The following MTUS1 variants were observed in gnomAD, a reference collection of about 807,000 sequenced individuals.
MTUS1 encodes microtubule associated scaffold protein 1.
MTUS1 carries 109 observed loss-of-function variants against 120.8 expected under a neutral mutation model. The ratio of observed to expected loss-of-function variants is 0.90; its 90% CI spans 0.77 to 1.06. The LOEUF is 1.06. MTUS1 is among the 50% of genes least tolerant of loss of function. The pLI, the probability that MTUS1 is intolerant of heterozygous loss-of-function variation, is 0.00. For missense variants in MTUS1, 2,210 were observed against 1,486.3 expected, an observed-to-expected ratio of 1.49 and a Z score of -8.01; for synonymous variants, 737 against 550.5, an observed-to-expected ratio of 1.34 and a Z score of -4.74.
chr8:17,720,501 T>C (rs530898062), intron 4 of MTUS1, among the ~76,000 whole-genome samples: 2 of 152,354 alleles, frequency 1.3e-5, no homozygotes, highest in South Asian at 2.1e-4. Flanking sequence ...GTTCCTTCCA[T>C]TTCCAGGAGA....
intron 8 of MTUS1, among the ~76,000 whole-genome samples, chr8:17,665,567 G>T (rs1810717989): frequency 1.3e-5 from 2 of 152,028 alleles, no homozygotes; most frequent in African/African-American, 4.8e-5. Context: ...CACCATGTTG[G>T]CAAGGCTGGT....
rs550988858 is a variant in MTUS1, at chr8:17,661,744, G to A, written c.2906-5679C>T. On this transcript the variant is annotated intron_variant, in intron 8 of 14. Transcript: ENST00000693296. ...GAAAGGGAGAAAATGGGTCAGATGG[G>A]GGAACAGGAGGTTCACTGCTGTTAT... Among the ~76,000 whole-genome samples, 18 of 152,204 alleles carry A rather than the reference G, an allele frequency of 1.2e-4. No individual in the cohort carries two copies. In the East Asian group the frequency reaches 3.3e-3, roughly 28 times the overall value.
At chr8:17,675,086 C>A in intron 8 of MTUS1, 100 bp downstream of exon 8, 3 of 1,577,442 alleles carry the variant, frequency 1.9e-6, no homozygotes, top group South Asian at 1.2e-5. Context: ...GCCAACAGCT[C>A]CCAGCATGCA....
At chr8:17,667,888 C>A (rs1456849275) in intron 8 of MTUS1, among the ~76,000 whole-genome samples, 1 of 152,122 alleles carries the variant, frequency 6.6e-6, no homozygotes, top group African/African-American at 2.4e-5. Flanking sequence ...TGAGTAGGCA[C>A]CAAACACACG....
At chr8:17,677,153 T>C (rs1184704191) in intron 7 of MTUS1, among the ~76,000 whole-genome samples, 2 of 152,280 alleles carry the variant, frequency 1.3e-5, no homozygotes, top group East Asian at 1.9e-4. Context: ...TAATAAGTAA[T>C]TGGTTTTCTA....
Position 17,755,263 on chromosome 8 carries a change from T to A in MTUS1, c.545A>T (p.Gln182Leu). 2 of 1,614,192 alleles carry A rather than the reference T, an allele frequency of 1.2e-6. No individual in the cohort carries two copies. The highest frequency in any genetic ancestry group is 1.7e-6 in the Non-Finnish European group (2 of 1,180,008). The change falls in exon 2 of 15, where the codon CAG becomes CTG. Residue 182 changes from glutamine to leucine, a missense_variant. Physicochemically the swap from Gln to Leu is moderately radical, Grantham distance 113. Coordinates refer to ENST00000693296, the MANE Select transcript of MTUS1 (RefSeq NM_001363059.2). Reference sequence around the variant, plus strand: ...CAGGCTTCCAGCAGTATGGAAGGACTGACTCTTTCCGATGGCATGATGTGA... The same window carrying A: ...CAGGCTTCCAGCAGTATGGAAGGACAGACTCTTTCCGATGGCATGATGTGA... The part of the protein sequence containing the change: ...FISHHAIGKS[Q>L]SFHTAGSLPP...
At chr8:17,715,345 G>A (rs535789334) in intron 5 of MTUS1, among the ~76,000 whole-genome samples, 1 of 152,252 alleles carries the variant, frequency 6.6e-6, no homozygotes, top group Admixed American at 6.5e-5. Context: ...AGGGATATGA[G>A]AAGGAACAGA....
At chr8:17,750,028 G>C (rs1317389059) in intron 2 of MTUS1, among the ~76,000 whole-genome samples, 2 of 152,172 alleles carry the variant, frequency 1.3e-5, no homozygotes, top group African/African-American at 4.8e-5. Context: ...AAATGGTGGA[G>C]CTACAATTTG....
At chr8:17,658,058 CACAG>C (rs1431384179) in intron 8 of MTUS1, among the ~76,000 whole-genome samples, 5 of 145,152 alleles carry the variant, frequency 3.4e-5, no homozygotes, top group South Asian at 2.2e-4. Context: ...CACACACACA[CACAG>C]AGTCTTGCTG....
At position 17,743,815 on chromosome 8, in the gene MTUS1, T is replaced by A. The variant is rs1478102862; in HGVS notation, c.2092-16A>T. The A allele has an allele frequency of 6.2e-7, 1 of 1,606,976 alleles. No individual in the cohort carries two copies. The highest frequency in any genetic ancestry group is 1.1e-5 in the South Asian group (1 of 90,722). On this transcript the variant is annotated splice_polypyrimidine_tract_variant and intron_variant, in intron 2 of 14. Transcript: ENST00000693296. ...AAGCAGAGCCCTGTGAAAATAACAGTTAAGACTGTAAACCAAAACTAAAAT... is the reference window on the plus strand; with the variant it reads ...AAGCAGAGCCCTGTGAAAATAACAGATAAGACTGTAAACCAAAACTAAAAT...
chr8:17,747,428 G>C (rs980389294), intron 2 of MTUS1, among the ~76,000 whole-genome samples: 1 of 151,956 alleles, frequency 6.6e-6, no homozygotes. Context: ...TCCCAACTTA[G>C]CAATCAACAT....
At chr8:17,672,373 A>C (rs1373912159) in intron 8 of MTUS1, among the ~76,000 whole-genome samples, 1 of 152,148 alleles carries the variant, frequency 6.6e-6, no homozygotes, top group Non-Finnish European at 1.5e-5. Flanking sequence ...CCGAGGATGA[A>C]ATTGGGACAG....
Position 17,754,863 on chromosome 8 carries a change from A to G in MTUS1, c.945T>C (p.His315=). ...AATGTGGTTCGCTATTGGATTCATC[A>G]TGGGATAAACAAAAGAACTCTTGTA... ...SALQEFFCLS[H]DESNSEPHSQ... Residue 315 remains histidine, a synonymous_variant, in exon 2 of 15, where the codon CAT becomes CAC. Transcript: ENST00000693296. The G allele has an allele frequency of 6.2e-7, 1 of 1,614,246 alleles. No homozygotes were observed. Among genetic ancestry groups the G allele is most frequent in the Admixed American group, 1.7e-5 (1 of 60,032 alleles).
chr8:17,686,589 G>A (rs1815856405), intron 6 of MTUS1, among the ~76,000 whole-genome samples: 1 of 152,050 alleles, frequency 6.6e-6, no homozygotes, highest in African/African-American at 2.4e-5. Flanking sequence ...AGTAACATTT[G>A]CCTCTCTTTC....
chr8:17,689,160 G>A (rs991280891), intron 6 of MTUS1, among the ~76,000 whole-genome samples: 15 of 152,030 alleles, frequency 9.9e-5, no homozygotes, highest in African/African-American at 2.9e-4. Flanking sequence ...CCAGTGAGCC[G>A]AGATCACGCC....
rs776456547 is a variant in MTUS1, at chr8:17,656,009, C to G, written c.2962G>C (p.Val988Leu). The G allele has an allele frequency of 5.6e-6, 9 of 1,614,228 alleles. No homozygotes were observed. Among genetic ancestry groups the G allele is most frequent in the Middle Eastern group, 1.6e-4 (1 of 6,062 alleles). The change falls in exon 9 of 15, where the codon GTG (valine) becomes CTG (leucine). Residue 988 changes from valine to leucine, a missense_variant. Physicochemically the swap from Val to Leu is conservative, Grantham distance 32. Transcript: ENST00000693296. ...TGCTGCTGGACGAATGCTTCATACA[C>G]TGTTTGTAACTCATTCCTGGCTTTT... Reference protein sequence around the residue: ...LEKARNELQTVYEAFVQQHQA... With the variant: ...LEKARNELQTLYEAFVQQHQA...
At chr8:17,691,477 T>C (rs1816928849) in intron 6 of MTUS1, 1 of 152,238 alleles carries the variant, frequency 6.6e-6, no homozygotes, top group Admixed American at 6.5e-5. Context: ...ATGCCATTCA[T>C]CACACCAGTT....
chr8:17,671,064 A>C (rs2130591512), intron 8 of MTUS1, among the ~76,000 whole-genome samples: 1 of 152,302 alleles, frequency 6.6e-6, no homozygotes, highest in East Asian at 1.9e-4. Context: ...ATAAGGATGT[A>C]GGTTTTAGGA....
Position 17,801,062 on chromosome 8 carries a change from C to G in MTUS1, c.-156G>C, listed in dbSNP as rs1022543948. 1 of 152,340 alleles carries G rather than the reference C, an allele frequency of 6.6e-6. No individual in the cohort carries two copies. Among genetic ancestry groups the G allele is most frequent in the Admixed American group, 6.5e-5 (1 of 15,284 alleles). The allele number at this position is 152,340 out of a possible 1,614,324, so 9.4% of individuals were successfully genotyped here. On this transcript the variant is annotated splice_region_variant and 5_prime_UTR_variant, in exon 1 of 15. Transcript: ENST00000693296. ...GAACAGATTCCAGCGCGCACTTACC[C>G]GCAGCTCCTTCAAGCGCTCCGGGAG...
Sources: allele counts gnomAD v4.1 joint callset (sites outside exome capture counted in the v4.1 genomes callset), GRCh38; gene constraint gnomAD v4.1.1; transcripts MANE v1.5; gene names NCBI Gene and HGNC (gene_info 2026-07-23, HGNC 2026-07-21).